VANGL1: variants seen among roughly 807,000 people sequenced by gnomAD.
VANGL1 encodes the protein vang-like protein 1.
In VANGL1, 18 loss-of-function variants were observed where a neutral mutation model predicts 48.4. The ratio of observed to expected loss-of-function variants is 0.37; its 90% confidence interval spans 0.26 to 0.55. VANGL1 has a LOEUF of 0.55. Among genes scored for constraint, VANGL1 ranks in the 20% least tolerant of loss-of-function variants. The pLI is 0.81. For missense variants in VANGL1, 667 were observed against 675.8 expected (o/e 0.99, Z 0.14); for synonymous variants, 257 against 261.8 (o/e 0.98, Z 0.18).
At chr1:115,682,316 C>G in intron 4 of VANGL1, 48 bp from the exon 5 acceptor site, 2 of 1,610,716 alleles carry the variant, frequency 1.2e-6, no homozygotes, top group Non-Finnish European at 1.7e-6. Flanking sequence ...TTAGGACCTG[C>G]TTCTTCAGTG....
At chr1:115,645,665 C>T (rs1399586305) in intron 1 of VANGL1, among the ~76,000 whole-genome samples, 4 of 152,158 alleles carry the variant, frequency 2.6e-5, no homozygotes, top group Non-Finnish European at 4.4e-5. Context: ...TCACTTTCCC[C>T]TTGAGTGCCA....
In VANGL1 at chr1:115,691,416, AAAAT is replaced by A; in HGVS notation, c.*39_*42del. Reference sequence around the variant, plus strand: ...TTGTGGCTTTATTAAAAAAAAAAGAAAAATATATAGAGAGATATATATCTATGCC... The same window carrying A: ...TTGTGGCTTTATTAAAAAAAAAAGAAATATAGAGAGATATATATCTATGCC... On this transcript the variant is annotated 3_prime_UTR_variant, in exon 8 of 8. Transcript: ENST00000355485. 1 of 1,586,928 alleles carries A rather than the reference AAAAT, an allele frequency of 6.3e-7. No homozygotes were observed. Among genetic ancestry groups the A allele is most frequent in the Admixed American group, 1.8e-5 (1 of 56,478 alleles).
chr1:115,677,865 A>G (rs1238403819), intron 4 of VANGL1, among the ~76,000 whole-genome samples: 1 of 152,154 alleles, frequency 6.6e-6, no homozygotes, highest in Non-Finnish European at 1.5e-5. Flanking sequence ...GTTTCTAACC[A>G]ACTTGATTTT....
At chr1:115,661,182 A>G (rs917277208) in intron 3 of VANGL1, among the ~76,000 whole-genome samples, 10 of 152,124 alleles carry the variant, frequency 6.6e-5, no homozygotes, top group South Asian at 2.1e-4. Context: ...GTAGGCCTCA[A>G]TTTCTTTATT....
chr1:115,687,985 GATAGACAC>G (rs1169881363), intron 7 of VANGL1, among the ~76,000 whole-genome samples: 1 of 132,950 alleles, frequency 7.5e-6, no homozygotes, highest in Non-Finnish European at 1.6e-5. Context: ...TAGATAGATA[GATAGACAC>G]ATAGATAGAT....
At chr1:115,663,010 C>A (rs1557766778) in intron 3 of VANGL1, among the ~76,000 whole-genome samples, 1 of 152,120 alleles carries the variant, frequency 6.6e-6, no homozygotes, top group Non-Finnish European at 1.5e-5. Flanking sequence ...TGTTCTTGAT[C>A]TCCTGACCTC....
intron 1 of VANGL1, among the ~76,000 whole-genome samples, chr1:115,648,826 A>G (rs1057321820): frequency 1.3e-5 from 2 of 152,198 alleles, no homozygotes; most frequent in Non-Finnish European, 2.9e-5. Context: ...TTTAGCAAAA[A>G]GTAGCTGGAA....
At chr1:115,655,260 G>T (rs1652301278) in intron 2 of VANGL1, among the ~76,000 whole-genome samples, 1 of 152,192 alleles carries the variant, frequency 6.6e-6, no homozygotes, top group African/African-American at 2.4e-5. Context: ...AATAGAAATA[G>T]GCAAACAACA....
chr1:115,673,291 C>T (rs1653050308), intron 4 of VANGL1, among the ~76,000 whole-genome samples: 1 of 152,188 alleles, frequency 6.6e-6, no homozygotes, highest in Non-Finnish European at 1.5e-5. Flanking sequence ...GCTTACCTGC[C>T]TCCACCCTTC....
chr1:115,683,897 C>T (rs370260254), intron 5 of VANGL1, 47 bp from the exon 6 acceptor site: 1 of 1,606,690 alleles, frequency 6.2e-7, no homozygotes, highest in African/African-American at 1.3e-5. Context: ...CTCTGTTTCC[C>T]ACCCTCGTGG....
Position 115,684,068 on chromosome 1 carries a change from G to A in VANGL1, c.1071G>A (p.Arg357=). ...EAEHERRVKK[R]KARLVVAVEE... is the part of the protein sequence containing the mutation. ...AACATGAACGGCGAGTAAAGAAGCG[G>A]AAAGCAAGGTATACTGCCCTCCTGA... Residue 357 remains arginine, a synonymous_variant, in exon 6 of 8, where the codon CGG becomes CGA. Transcript: ENST00000355485. 6.2e-7 allele frequency: 1 copy of A among 1,613,658 alleles called. No individual in the cohort carries two copies. Among genetic ancestry groups the A allele is most frequent in the Non-Finnish European group, 8.5e-7 (1 of 1,179,742 alleles).
chr1:115,648,582 G>C (rs1018307120), intron 1 of VANGL1, among the ~76,000 whole-genome samples: 8 of 152,130 alleles, frequency 5.3e-5, no homozygotes, highest in African/African-American at 1.9e-4. Context: ...GAGGGGGAAG[G>C]GAATAAAACT....
At chr1:115,660,964 A>G (rs1652524791) in intron 3 of VANGL1, among the ~76,000 whole-genome samples, 1 of 152,150 alleles carries the variant, frequency 6.6e-6, no homozygotes, top group African/African-American at 2.4e-5. Context: ...TGAAGGGGTC[A>G]GTTTCCTCCT....
chr1:115,669,979 C>T (rs539995965), intron 4 of VANGL1, among the ~76,000 whole-genome samples: 74 of 152,168 alleles, frequency 4.9e-4, no homozygotes, highest in Non-Finnish European at 9.6e-4. Flanking sequence ...AAGCCCTAAC[C>T]TCCAGTGTGG....
chr1:115,670,197 C>T (rs1454947969), intron 4 of VANGL1, among the ~76,000 whole-genome samples: 1 of 152,194 alleles, frequency 6.6e-6, no homozygotes, highest in Non-Finnish European at 1.5e-5. Flanking sequence ...CAATAGGAAC[C>T]AGGTTGGCTA....
At chr1:115,671,449 G>A (rs1652969542) in intron 4 of VANGL1, 1 of 152,316 alleles carries the variant, frequency 6.6e-6, no homozygotes, top group African/African-American at 2.4e-5. Flanking sequence ...GGGAGCCTCA[G>A]ACTCCAGACT....
At chr1:115,660,228 C>A (rs1235945038) in intron 3 of VANGL1, among the ~76,000 whole-genome samples, 2 of 152,112 alleles carry the variant, frequency 1.3e-5, no homozygotes, top group African/African-American at 2.4e-5. Context: ...ATTAAGGAGG[C>A]CCTGGGTCGA....
At chr1:115,657,182 G>A (rs1472295050) in intron 2 of VANGL1, among the ~76,000 whole-genome samples, 2 of 152,198 alleles carry the variant, frequency 1.3e-5, no homozygotes, top group African/African-American at 2.4e-5. Flanking sequence ...ACACAGCTTT[G>A]TGCTATCTAA....
At chr1:115,681,500 G>GT (rs1267113664) in intron 4 of VANGL1, among the ~76,000 whole-genome samples, 52 of 96,342 alleles carry the variant, frequency 5.4e-4, no homozygotes, top group African/African-American at 1.8e-3. Context: ...TCTTTTTTTT[G>GT]TTGTTTTTTT....
Sources: gnomAD v4.1 joint callset for allele counts (sites outside exome capture counted in the v4.1 genomes callset) on GRCh38, gnomAD v4.1.1 for gene constraint, MANE v1.5 for transcripts, NCBI Gene and HGNC (gene_info 2026-07-23, HGNC 2026-07-21) for gene names.